Variants in ADCY3 observed in about 807,000 individuals in gnomAD.
The protein encoded by ADCY3 is adenylate cyclase type 3.
A neutral mutation model predicts 119.4 loss-of-function variants in ADCY3; 70 were observed. The observed-to-expected ratio is 0.59, with a 90% CI of 0.48 to 0.72. ADCY3 has a LOEUF of 0.72. Ranked by LOEUF, ADCY3 falls within the 30% of genes least tolerant of loss-of-function variation. ADCY3 has a pLI of 0.00. For missense variants in ADCY3, 1,238 were observed against 1,541.6 expected (o/e 0.80, Z 3.30); for synonymous variants, 672 against 621.4 (o/e 1.08, Z -1.21).
At chr2:24,832,063 GC>G (rs564502568) in intron 11 of ADCY3, 51,138 of 118,608 alleles carry the variant, frequency 0.43, 12,290 homozygotes, top group East Asian at 0.6. Context: ...GGGGAAGGGG[GC>G]AGGGGGCAGG....
At chr2:24,859,633 G>C (rs1673402221) in intron 3 of ADCY3, among the ~76,000 whole-genome samples, 1 of 152,234 alleles carries the variant, frequency 6.6e-6, no homozygotes, top group Non-Finnish European at 1.5e-5. Context: ...GGAAATGGCA[G>C]CCTCCCAGTG....
rs149181152 is a variant in ADCY3, at chr2:24,918,493, A to G, written c.495T>C (p.Ala165=). The G allele has an allele frequency of 1.4e-4, 232 of 1,614,004 alleles. No individual in the cohort carries two copies. The African/African-American group carries it at 2.6e-3, about 18-fold the overall frequency. The change falls in exon 2 of 22, where the codon GCT becomes GCC. Residue 165 remains alanine (A), a synonymous_variant. Transcript: ENST00000679454. This position sits in a 1 kb window ranked among gnomAD's most constrained non-coding sequence, Gnocchi z 5.4. Reference sequence around the variant, plus strand: ...AGACCTGCCAGCCCACCGTGTCACTAGCCGCGTGGGCACGCGCGAAGTTCA... The same window carrying G: ...AGACCTGCCAGCCCACCGTGTCACTGGCCGCGTGGGCACGCGCGAAGTTCA... ...LGLNFARAHA[A]SDTVGWQVFF...
intron 3 of ADCY3, among the ~76,000 whole-genome samples, chr2:24,870,321 CAAA>C (rs34685288): frequency 0.38 from 33,275 of 86,564 alleles, 3,941 homozygotes; most frequent in South Asian, 0.48. Context: ...GACTCCATGT[CAAA>C]AAAAAAAAAA....
At chr2:24,830,478 G>A (rs963556625) in intron 13 of ADCY3, among the ~76,000 whole-genome samples, 6 of 152,128 alleles carry the variant, frequency 3.9e-5, no homozygotes, top group East Asian at 1.9e-4. Flanking sequence ...CTGTGCTCTC[G>A]GACTCTGGGA....
chr2:24,861,610 C>T (rs1171185734), intron 3 of ADCY3, among the ~76,000 whole-genome samples: 2 of 152,094 alleles, frequency 1.3e-5, no homozygotes, highest in Non-Finnish European at 2.9e-5. Flanking sequence ...GAAAGTGAAA[C>T]GGGGTCATGC....
intron 6 of ADCY3, chr2:24,840,569 G>A: frequency 2.1e-6 from 1 of 467,970 alleles, no homozygotes; most frequent in Non-Finnish European, 4.4e-6. Flanking sequence ...GGAGAAGGGG[G>A]TAAAGAGCAG....
At chr2:24,820,513 A>T in intron 21 of ADCY3, 1 of 1,409,494 alleles carries the variant, frequency 7.1e-7, no homozygotes, top group Non-Finnish European at 9.2e-7. Flanking sequence ...TGCATCTAGA[A>T]CTTCAGCCCA....
At chr2:24,901,454 C>T (rs1678891757) in intron 2 of ADCY3, among the ~76,000 whole-genome samples, 1 of 152,102 alleles carries the variant, frequency 6.6e-6, no homozygotes, top group Non-Finnish European at 1.5e-5. Context: ...GTATTTTGAA[C>T]ATTTTTGACA....
Position 24,842,754 on chromosome 2 carries a change from C to T in ADCY3, c.826-370G>A, listed in dbSNP as rs1227681772. Among the ~76,000 whole-genome samples the T allele has an allele frequency of 9.8e-5, 15 of 152,350 alleles. No individual in the cohort carries two copies. The highest frequency in any genetic ancestry group is 8.5e-4 in the Admixed American group (13 of 15,308). On this transcript the variant is annotated intron_variant, in intron 3 of 21. Coordinates refer to ENST00000679454, the MANE Select transcript of ADCY3 (RefSeq NM_004036.5). The surrounding 1 kb of genome is among the most constrained non-coding windows in gnomAD (Gnocchi z 4.9). ...GCCCTGCGGGGTCACCTCAGCCACC[C>T]GCCACGGCTGCACAGAGCCATCGCT... is the stretch of plus-strand genomic sequence containing the variant.
Position 24,839,949 on chromosome 2 carries a change from G to A in ADCY3, c.1279C>T (p.Gln427Ter). The change falls in exon 7 of 22, where the codon CAG becomes TAG. Residue 427 changes from glutamine (Q) to a stop codon, truncating the protein, a stop_gained. Transcript: ENST00000679454. LOFTEE classifies it high-confidence loss of function. ...TGTVLGGVLG[Q>*]KRWQYDVWST... The stretch of plus-strand genomic sequence containing the variant: ...CACACGTCGTACTGCCAGCGCTTCT[G>A]GCCCAGGACGCCCCCCAGCACGGTG... The A allele has an allele frequency of 6.2e-7, 1 of 1,613,862 alleles. No individual in the cohort carries two copies. Among genetic ancestry groups the A allele is most frequent in the Non-Finnish European group, 8.5e-7 (1 of 1,180,020 alleles).
At position 24,837,000 on chromosome 2, in the gene ADCY3, C is replaced by T; in HGVS notation, c.1579G>A (p.Ala527Thr). ...TTGGGCTCCTTGGTCTCAATGAGGG[C>T]AGGGGAGCTGGACTTTGAGGAAGCT... is the stretch of plus-strand genomic sequence containing the variant. ...APASSKSSSP[A>T]LIETKEPNGS... Residue 527 changes from alanine (A) to threonine (T), a missense_variant, in exon 9 of 22, where the codon GCC becomes ACC. Physicochemically the swap from Ala to Thr is moderately conservative, Grantham distance 58. This residue lies in a region of ADCY3 where 499 missense variants were observed against 571.0 expected (regional missense o/e 0.87). Coordinates refer to ENST00000679454, the MANE Select transcript of ADCY3 (RefSeq NM_004036.5). The T allele has an allele frequency of 1.9e-6, 3 of 1,614,078 alleles. No individual in the cohort carries two copies. The South Asian group carries it at 3.3e-5, about 18-fold the overall frequency.
Position 24,898,427 on chromosome 2 carries a change from C to T in ADCY3, c.675+19886G>A, listed in dbSNP as rs771091583. On this transcript the variant is annotated intron_variant, in intron 2 of 21. Coordinates refer to ENST00000679454, the MANE Select transcript of ADCY3 (RefSeq NM_004036.5). This position sits in a 1 kb window ranked among gnomAD's most constrained non-coding sequence, Gnocchi z 4.3. ...GAATGCACCTATGCAGGGCTGTCCT[C>T]GGGGAGAGGGGCTTCGTGTACTTCA... Among the ~76,000 whole-genome samples, 6 of 152,048 alleles carry T rather than the reference C, an allele frequency of 3.9e-5. No individual in the cohort carries two copies. The highest frequency in any genetic ancestry group is 8.8e-5 in the Non-Finnish European group (6 of 68,022).
chr2:24,871,839 C>T (rs191825460), intron 3 of ADCY3, among the ~76,000 whole-genome samples: 3 of 152,324 alleles, frequency 2.0e-5, no homozygotes, highest in South Asian at 2.1e-4. Context: ...ATGTACAAGC[C>T]TGAGTGACAT....
intron 17 of ADCY3, among the ~76,000 whole-genome samples, chr2:24,824,173 C>A (rs1018244777): frequency 1.3e-5 from 2 of 152,252 alleles, no homozygotes; most frequent in African/African-American, 4.8e-5. Flanking sequence ...GTACGGCCCA[C>A]ATCACGATGC....
intron 3 of ADCY3, among the ~76,000 whole-genome samples, chr2:24,863,225 G>C (rs1039348269): frequency 6.6e-6 from 1 of 152,168 alleles, no homozygotes; most frequent in African/African-American, 2.4e-5. Flanking sequence ...GGTGGGCTGG[G>C]AAAGGCAGAC....
chr2:24,864,223 A>T (rs1401730046), intron 3 of ADCY3, among the ~76,000 whole-genome samples: 1 of 152,194 alleles, frequency 6.6e-6, no homozygotes, highest in Non-Finnish European at 1.5e-5. Context: ...CCGGAGGCGG[A>T]AGCTGCAGTG....
chr2:24,823,882 AG>A (rs986699449), intron 17 of ADCY3, among the ~76,000 whole-genome samples: 88 of 152,248 alleles, frequency 5.8e-4, no homozygotes, highest in African/African-American at 1.9e-3. Flanking sequence ...TAGTAGAGAC[AG>A]GGTTTCACTA....
At chr2:24,896,463 G>A (rs572763088) in intron 2 of ADCY3, among the ~76,000 whole-genome samples, 9 of 151,248 alleles carry the variant, frequency 6.0e-5, no homozygotes, top group Non-Finnish European at 1.2e-4. Context: ...TATTTCTATT[G>A]ACCACTTTTT....
intron 3 of ADCY3, among the ~76,000 whole-genome samples, chr2:24,861,760 A>G (rs1298761348): frequency 6.6e-6 from 1 of 152,158 alleles, no homozygotes; most frequent in Non-Finnish European, 1.5e-5. Context: ...CCTGGCTGGA[A>G]GAGAGAAGGG....
Sources: gnomAD v4.1 joint callset for allele counts (sites outside exome capture counted in the v4.1 genomes callset) on GRCh38, gnomAD v4.1.1 for gene constraint, gnomAD v4.1.1 regional missense constraint, Gnocchi (gnomAD v3.1) non-coding constraint, MANE v1.5 for transcripts, NCBI Gene and HGNC (gene_info 2026-07-23, HGNC 2026-07-21) for gene names.